TBCK: variants seen among roughly 807,000 people sequenced by gnomAD.
TBCK encodes the protein TBC domain-containing protein kinase-like protein.
TBCK carries 99 observed loss-of-function variants against 113.4 expected under a neutral mutation model. The ratio of observed to expected loss-of-function variants is 0.87; its 90% CI spans 0.74 to 1.03. The LOEUF (loss-of-function observed/expected upper bound fraction) is 1.03, where lower values mean the gene tolerates loss of function less well. Among genes scored for constraint, TBCK ranks in the 50% least tolerant of loss-of-function variants. TBCK has a pLI of 0.00. For missense variants in TBCK, 1,045 were observed against 1,061.3 expected (o/e 0.98, Z 0.21); for synonymous variants, 369 against 370.8 (o/e 1.00, Z 0.05).
At chr4:106,217,459 C>T (rs956282684) in intron 19 of TBCK, among the ~76,000 whole-genome samples, 15 of 152,262 alleles carry the variant, frequency 9.9e-5, no homozygotes, top group African/African-American at 3.4e-4. Flanking sequence ...GATTGTATAT[C>T]TAGAAAACCC....
At chr4:106,080,606 G>A (rs1035716547) in intron 25 of TBCK, among the ~76,000 whole-genome samples, 1 of 152,132 alleles carries the variant, frequency 6.6e-6, no homozygotes, top group Non-Finnish European at 1.5e-5. Flanking sequence ...CTGGGCAGTG[G>A]CCAGGAAAGG....
chr4:106,210,704 A>G (rs1185726321), intron 20 of TBCK, among the ~76,000 whole-genome samples: 1 of 152,170 alleles, frequency 6.6e-6, no homozygotes, highest in Non-Finnish European at 1.5e-5. Flanking sequence ...ACACAGATTT[A>G]TAAACTTGTA....
At chr4:106,267,316 T>C (rs1763079989) in intron 3 of TBCK, among the ~76,000 whole-genome samples, 2 of 151,834 alleles carry the variant, frequency 1.3e-5, no homozygotes, top group African/African-American at 4.8e-5. Flanking sequence ...TAAAGCAAGA[T>C]TACATTTGAG....
chr4:106,114,412 T>G (rs1743239287), intron 24 of TBCK, among the ~76,000 whole-genome samples: 1 of 152,230 alleles, frequency 6.6e-6, no homozygotes, highest in Admixed American at 6.5e-5. Context: ...TCCCCATGCA[T>G]GACTGCTATC....
At chr4:106,127,123 G>A (rs753099777) in intron 23 of TBCK, among the ~76,000 whole-genome samples, 12 of 148,712 alleles carry the variant, frequency 8.1e-5, no homozygotes, top group South Asian at 2.1e-4. Context: ...CAGGAGAATC[G>A]CTTGAACCCA....
At chr4:106,158,101 T>C (rs754728236) in intron 23 of TBCK, among the ~76,000 whole-genome samples, 5 of 152,274 alleles carry the variant, frequency 3.3e-5, no homozygotes, top group African/African-American at 7.2e-5. Context: ...AAATATTACA[T>C]TGGGACTTTT....
chr4:106,240,214 A>C lies in TBCK; in HGVS notation c.1170+2256T>G, dbSNP rs1017450291. On this transcript the variant is annotated intron_variant, in intron 12 of 25. Coordinates refer to ENST00000394708, the MANE Select transcript of TBCK (RefSeq NM_001163435.3). ...TAACAAAACTTATAACTAAGAATAG[A>C]AGACCTCTATAACTCAATGCAACAA... 3.3e-5 allele frequency among the ~76,000 whole-genome samples: 5 copies of C among 152,236 alleles called. 1 individual carries two copies. In the South Asian group the frequency reaches 6.2e-4, roughly 19 times the overall value.
chr4:106,274,465 G>A (rs993672530), intron 3 of TBCK, among the ~76,000 whole-genome samples: 5 of 152,104 alleles, frequency 3.3e-5, no homozygotes, highest in Non-Finnish European at 7.4e-5. Context: ...ACAAACTATG[G>A]TAAAGACATA....
chr4:106,081,994 C>T lies in TBCK; in HGVS notation c.2571+13488G>A, dbSNP rs188160746. Reference sequence around the variant, plus strand: ...TTGCATAGAAAAGGGAGCACTTATACACTGCTGGTGGAAATGTAAATCAGT... The same window carrying T: ...TTGCATAGAAAAGGGAGCACTTATATACTGCTGGTGGAAATGTAAATCAGT... On this transcript the variant is annotated intron_variant, in intron 25 of 25. Transcript: ENST00000394708. Among the ~76,000 whole-genome samples, 90 of 152,290 alleles carry T rather than the reference C, an allele frequency of 5.9e-4. 3 individuals are homozygous for T. The highest frequency in any genetic ancestry group is 1.7e-3 in the Admixed American group (26 of 15,290).
Position 106,269,498 on chromosome 4 carries a change from T to C in TBCK, c.267-7286A>G, listed in dbSNP as rs1241457718. On this transcript the variant is annotated intron_variant, in intron 3 of 25. Transcript: ENST00000394708. ...ATGAAAAATACAACAGTTTCTGGAA[T>C]TGAAAAAGGAAATAACACATTTCAG... Among the ~76,000 whole-genome samples, 7 of 152,190 alleles carry C rather than the reference T, an allele frequency of 4.6e-5. No homozygotes were observed. The East Asian group carries it at 1.4e-3, about 29-fold the overall frequency.
chr4:106,116,012 G>C (rs769565803), intron 24 of TBCK, among the ~76,000 whole-genome samples, 191 bp downstream of exon 24: 2 of 152,064 alleles, frequency 1.3e-5, no homozygotes, highest in Non-Finnish European at 2.9e-5. Context: ...ATATCATCAG[G>C]TCTCTGGTAT....
chr4:106,295,051 C>T, intron 3 of TBCK, 43 bp downstream of exon 3: 1 of 1,508,230 alleles, frequency 6.6e-7, no homozygotes, highest in East Asian at 2.3e-5. Flanking sequence ...TTTTGTTTGC[C>T]AAGTTCTGCT....
chr4:106,132,211 C>G (rs566545763), intron 23 of TBCK, among the ~76,000 whole-genome samples: 22 of 152,332 alleles, frequency 1.4e-4, no homozygotes, highest in African/African-American at 4.6e-4. Flanking sequence ...GGCAGCCCAT[C>G]CTATCACAGG....
chr4:106,133,025 T>A (rs1746138614), intron 23 of TBCK, among the ~76,000 whole-genome samples: 1 of 152,178 alleles, frequency 6.6e-6, no homozygotes, highest in African/African-American at 2.4e-5. Flanking sequence ...TGTGGACTTT[T>A]GAGTTAATGC....
intron 24 of TBCK, among the ~76,000 whole-genome samples, chr4:106,110,745 C>G (rs1404535372): frequency 6.6e-6 from 1 of 152,038 alleles, no homozygotes; most frequent in Admixed American, 6.6e-5. Flanking sequence ...CACAGAAGAG[C>G]CTAAAAAGGG....
intron 25 of TBCK, among the ~76,000 whole-genome samples, chr4:106,090,545 G>C (rs1441381335): frequency 6.6e-6 from 1 of 152,076 alleles, no homozygotes; most frequent in Non-Finnish European, 1.5e-5. Flanking sequence ...TTCTACCATA[G>C]GGCTGGGCTA....
chr4:106,071,448 C>T (rs1031716326), intron 25 of TBCK, among the ~76,000 whole-genome samples: 1 of 152,188 alleles, frequency 6.6e-6, no homozygotes, highest in African/African-American at 2.4e-5. Context: ...TTTGATTGCA[C>T]TGTGGTCTGA....
At chr4:106,316,563 G>C, upstream of TBCK, 4 of 1,551,570 alleles carry the variant, frequency 2.6e-6, no homozygotes, top group Non-Finnish European at 3.5e-6. Flanking sequence ...TCCTGCTGTG[G>C]CTGTCTCGGA....
At chr4:106,148,400 T>C (rs969785039) in intron 23 of TBCK, among the ~76,000 whole-genome samples, 1 of 152,200 alleles carries the variant, frequency 6.6e-6, no homozygotes, top group African/African-American at 2.4e-5. Context: ...AAAATTTCTC[T>C]CTTTTGTACT....
Sources: gnomAD v4.1 joint callset for allele counts (sites outside exome capture counted in the v4.1 genomes callset) on GRCh38, gnomAD v4.1.1 for gene constraint, MANE v1.5 for transcripts, NCBI Gene and HGNC (gene_info 2026-07-23, HGNC 2026-07-21) for gene names.